Variants in NTRK2 observed in about 807,000 individuals in gnomAD.
NTRK2 encodes the protein BDNF/NT-3 growth factors receptor.
Under a neutral mutation model 94.5 loss-of-function variants are expected in NTRK2, and 13 were observed. The observed-to-expected ratio is 0.14, with a 90% CI of 0.09 to 0.22. The LOEUF (loss-of-function observed/expected upper bound fraction) is 0.22, where lower values mean the gene tolerates loss of function less well. NTRK2 is among the 10% of genes least tolerant of loss of function. NTRK2 has a pLI of 1.00. For synonymous variants in NTRK2, 372 were observed against 407.4 expected, an observed-to-expected ratio of 0.91 and a Z score of 1.05; for missense variants, 639 against 1,071.2, an observed-to-expected ratio of 0.60 and a Z score of 5.63.
At chr9:84,827,426 G>A (rs957063690) in intron 12 of NTRK2, among the ~76,000 whole-genome samples, 27 of 152,318 alleles carry the variant, frequency 1.8e-4, no homozygotes, top group South Asian at 1.0e-3. Context: ...TTCTCTGAGC[G>A]CAACTCCAGC....
intron 6 of NTRK2, among the ~76,000 whole-genome samples, chr9:84,715,392 G>C (rs969810489): frequency 6.6e-6 from 1 of 151,880 alleles, no homozygotes; most frequent in African/African-American, 2.4e-5. Context: ...TGATAGATGG[G>C]GCTGGGAAGC....
At chr9:84,794,555 T>C (rs1185262149) in intron 12 of NTRK2, among the ~76,000 whole-genome samples, 1 of 152,176 alleles carries the variant, frequency 6.6e-6, no homozygotes, top group African/African-American at 2.4e-5. Context: ...ATCTCCAATA[T>C]GGAAATAAAA....
At chr9:84,710,007 A>T (rs1429085208) in intron 5 of NTRK2, among the ~76,000 whole-genome samples, 2 of 124,474 alleles carry the variant, frequency 1.6e-5, no homozygotes, top group African/African-American at 3.2e-5. Context: ...GTGTGTGTGA[A>T]GGAGGTCTAC....
intron 2 of NTRK2, among the ~76,000 whole-genome samples, chr9:84,696,697 C>G (rs994652885): frequency 4.6e-5 from 7 of 152,176 alleles, no homozygotes; most frequent in African/African-American, 1.7e-4. Context: ...TGCAAACTTA[C>G]AAGTGCAATA....
Position 84,837,842 on chromosome 9 carries a change from AAC to A in NTRK2, c.1397-23196_1397-23195del, listed in dbSNP as rs1284134205. Among the ~76,000 whole-genome samples the A allele has an allele frequency of 2.0e-5, 3 of 152,204 alleles. No homozygotes were observed. The East Asian group carries it at 5.8e-4, about 29-fold the overall frequency. On this transcript the variant is annotated intron_variant, in intron 12 of 18. Transcript: ENST00000277120. ...TGCTAAAGATGCCATGTCATATACC[AAC>A]AGTCACCATCATACTTACTGATAAA...
rs1156961501 is a variant in NTRK2 at position 85,026,999 on chromosome 9, G to A, written c.*5562G>A. The A allele has an allele frequency of 1.7e-5, 4 of 231,806 alleles. No homozygotes were observed. Among genetic ancestry groups the A allele is most frequent in the Non-Finnish European group, 1.7e-5 (2 of 117,348 alleles). The allele number at this position is 231,806 out of a possible 1,614,324, so 14.4% of individuals were successfully genotyped here. A position where few individuals can be genotyped will look rare whatever the true frequency, so the allele number is the denominator to read the frequency against. On this transcript the variant is annotated 3_prime_UTR_variant, in exon 19 of 19. Transcript: ENST00000277120. ...CTCAACCTGACATGGAAAGTCTCTT[G>A]TACTACAGTGTATTTAATAAAAATG...
intron 16 of NTRK2, among the ~76,000 whole-genome samples, chr9:84,952,801 C>T (rs920654231): frequency 6.6e-6 from 1 of 152,278 alleles, no homozygotes; most frequent in Non-Finnish European, 1.5e-5. Context: ...CCACCAGCTT[C>T]CTGACGTCTG....
At chr9:84,703,121 C>T (rs1223464375) in intron 4 of NTRK2, among the ~76,000 whole-genome samples, 1 of 152,170 alleles carries the variant, frequency 6.6e-6, no homozygotes, top group African/African-American at 2.4e-5. Flanking sequence ...CTAAAGATCA[C>T]CTAAGTGCAG....
chr9:84,740,648 G>A (rs1358794422), intron 9 of NTRK2, among the ~76,000 whole-genome samples: 4 of 152,168 alleles, frequency 2.6e-5, no homozygotes, highest in South Asian at 2.1e-4. Context: ...CATTAAAGGC[G>A]CCCCCTAGAG....
chr9:84,718,990 C>T (rs757076711), intron 6 of NTRK2, among the ~76,000 whole-genome samples: 4 of 152,078 alleles, frequency 2.6e-5, no homozygotes, highest in South Asian at 2.1e-4. Context: ...TTGGAAACTG[C>T]GATGACAGGG....
intron 12 of NTRK2, chr9:84,811,682 C>G: frequency 5.6e-6 from 6 of 1,065,646 alleles, no homozygotes; most frequent in Non-Finnish European, 6.8e-6. Flanking sequence ...AAAGCTTGTC[C>G]TGACCCCAGC....
chr9:84,687,827 C>T (rs2059807664), intron 2 of NTRK2, among the ~76,000 whole-genome samples: 1 of 152,128 alleles, frequency 6.6e-6, no homozygotes, highest in South Asian at 2.1e-4. Flanking sequence ...CAGCTCCTAC[C>T]ATTTATACCT....
intron 2 of NTRK2, among the ~76,000 whole-genome samples, chr9:84,697,077 T>G (rs2060425876): frequency 6.6e-6 from 1 of 152,198 alleles, no homozygotes. Flanking sequence ...CCTGAGGGAC[T>G]GACGAGGTGA....
intron 12 of NTRK2, among the ~76,000 whole-genome samples, chr9:84,831,525 C>T (rs2073545473): frequency 6.6e-6 from 1 of 152,068 alleles, no homozygotes; most frequent in Non-Finnish European, 1.5e-5. Context: ...TTAGCATATA[C>T]CAGACAGTAC....
intron 17 of NTRK2, among the ~76,000 whole-genome samples, chr9:84,985,142 TAG>T (rs1828141238): frequency 6.6e-6 from 1 of 152,246 alleles, no homozygotes; most frequent in African/African-American, 2.4e-5. Flanking sequence ...CATTTTTATT[TAG>T]ATAAATCAGG....
At chr9:84,835,357 G>A (rs1046246503) in intron 12 of NTRK2, among the ~76,000 whole-genome samples, 6 of 152,118 alleles carry the variant, frequency 3.9e-5, no homozygotes, top group African/African-American at 1.4e-4. Flanking sequence ...AAGATGGTGT[G>A]TGCTAAGCTG....
intron 11 of NTRK2, among the ~76,000 whole-genome samples, chr9:84,745,324 G>A (rs929035804): frequency 9.9e-5 from 15 of 152,280 alleles, no homozygotes; most frequent in African/African-American, 3.6e-4. Flanking sequence ...CTGTGCTTTA[G>A]AAGGGTATCA....
chr9:84,882,759 T>C (rs1252190843), intron 14 of NTRK2, among the ~76,000 whole-genome samples: 1 of 151,674 alleles, frequency 6.6e-6, no homozygotes, highest in Non-Finnish European at 1.5e-5. Context: ...TAACTAGAAA[T>C]ACTTTCTTTT....
intron 14 of NTRK2, among the ~76,000 whole-genome samples, chr9:84,882,307 T>G (rs916769017): frequency 2.0e-5 from 3 of 152,204 alleles, no homozygotes; most frequent in African/African-American, 7.2e-5. Flanking sequence ...TTCCCTGTCA[T>G]TTAAATCCTG....
Sources: gnomAD v4.1 joint callset for allele counts (sites outside exome capture counted in the v4.1 genomes callset) on GRCh38, gnomAD v4.1.1 for gene constraint, MANE v1.5 for transcripts, NCBI Gene and HGNC (gene_info 2026-07-23, HGNC 2026-07-21) for gene names.